Variants in MSH3 observed in about 807,000 individuals in gnomAD.
MSH3 encodes the protein mutS homolog 3.
A neutral mutation model predicts 123.3 loss-of-function variants in MSH3; 106 were observed. The ratio of observed to expected loss-of-function variants is 0.86; its 90% CI spans 0.73 to 1.01. MSH3 has a LOEUF of 1.01. Among genes scored for constraint, MSH3 ranks in the 50% least tolerant of loss-of-function variants. The pLI, the probability that MSH3 is intolerant of heterozygous loss-of-function variation, is 0.00. For missense variants in MSH3, 1,459 were observed against 1,347.6 expected (o/e 1.08, Z -1.29); for synonymous variants, 515 against 481.4 (o/e 1.07, Z -0.91).
intron 12 of MSH3, chr5:80,746,574 G>T: frequency 2.5e-6 from 1 of 404,620 alleles, no homozygotes; most frequent in South Asian, 1.9e-5. Context: ...CCTAAGGAGG[G>T]ATCTCCTCTG....
At position 80,744,655 on chromosome 5, in the gene MSH3, T is replaced by C. The variant is rs554110266; in HGVS notation, c.1763+40T>C. On this transcript the variant is annotated intron_variant, in intron 12 of 23. Transcript: ENST00000265081. ...TTTTGGGGTGTTTAATCTGAAATTA[T>C]AAAATTTTGAAATTAAAGGCATTTT... 295 of 1,481,752 alleles carry C rather than the reference T, an allele frequency of 2.0e-4. 2 individuals are homozygous for C. In the South Asian group the frequency reaches 2.7e-3, roughly 13 times the overall value. 91.8% of individuals were successfully genotyped at this position (1,481,752 alleles called of 1,614,324 possible).
chr5:80,750,593 G>A (rs1302279224), intron 12 of MSH3, among the ~76,000 whole-genome samples: 4 of 152,104 alleles, frequency 2.6e-5, no homozygotes, highest in African/African-American at 7.2e-5. Flanking sequence ...TTGTTATTGA[G>A]TAGTTTGAGT....
At chr5:80,791,649 G>A (rs1744608021) in intron 18 of MSH3, among the ~76,000 whole-genome samples, 1 of 152,048 alleles carries the variant, frequency 6.6e-6, no homozygotes, top group African/African-American at 2.4e-5. Context: ...AAAATTATTT[G>A]TGAAATGACT....
chr5:80,865,960 TC>T (rs1278795881), intron 22 of MSH3, among the ~76,000 whole-genome samples: 1 of 152,186 alleles, frequency 6.6e-6, no homozygotes, highest in East Asian at 1.9e-4. Flanking sequence ...TATCTATTAA[TC>T]TGCATCCAGG....
chr5:80,689,426 GTC>G (rs1224369669), intron 8 of MSH3, among the ~76,000 whole-genome samples: 2 of 151,906 alleles, frequency 1.3e-5, no homozygotes, highest in African/African-American at 4.8e-5. Flanking sequence ...AGTGAAAAAA[GTC>G]TATTTTAAAG....
intron 20 of MSH3, among the ~76,000 whole-genome samples, chr5:80,831,251 T>C (rs1017673917): frequency 3.3e-5 from 5 of 152,240 alleles, no homozygotes; most frequent in Non-Finnish European, 7.3e-5. Flanking sequence ...AATGTATCAT[T>C]TGTGATTTTT....
chr5:80,857,010 G>A (rs984654596), intron 21 of MSH3, among the ~76,000 whole-genome samples: 12 of 152,150 alleles, frequency 7.9e-5, no homozygotes, highest in South Asian at 2.1e-4. Context: ...GTTTCTCACC[G>A]TTAAGTATGA....
At chr5:80,861,340 C>T (rs1277269543) in intron 21 of MSH3, among the ~76,000 whole-genome samples, 2 of 152,098 alleles carry the variant, frequency 1.3e-5, no homozygotes, top group African/African-American at 2.4e-5. Context: ...CTCAGTCTTA[C>T]CTCCCTCCCA....
chr5:80,806,315 TCGAAC>T (rs1744890425), intron 19 of MSH3, among the ~76,000 whole-genome samples: 3 of 152,180 alleles, frequency 2.0e-5, no homozygotes, highest in African/African-American at 7.2e-5. Flanking sequence ...TAGGCTGCTC[TCGAAC>T]TCCTGACCTC....
chr5:80,792,377 C>T (rs1217639209), intron 18 of MSH3, among the ~76,000 whole-genome samples: 1 of 150,210 alleles, frequency 6.7e-6, no homozygotes, highest in Admixed American at 6.6e-5. Context: ...AGTCACTGCA[C>T]TGCAGCCTGG....
At chr5:80,833,777 A>G (rs1745460864) in intron 20 of MSH3, among the ~76,000 whole-genome samples, 1 of 148,782 alleles carries the variant, frequency 6.7e-6, no homozygotes, top group Non-Finnish European at 1.5e-5. Context: ...TCTTGCTTCT[A>G]AAACTGATTT....
At chr5:80,750,078 A>AGTGT (rs57762095) in intron 12 of MSH3, among the ~76,000 whole-genome samples, 22,210 of 134,064 alleles carry the variant, frequency 0.17, 2,061 homozygotes, top group South Asian at 0.27. Flanking sequence ...AGTATTCCAG[A>AGTGT]GTGTGTGTGT....
intron 4 of MSH3, 28 bp downstream of exon 4, chr5:80,670,337 A>G (rs755346267): frequency 3.1e-6 from 5 of 1,598,818 alleles, no homozygotes; most frequent in Admixed American, 3.3e-5. Context: ...GCACTATTTT[A>G]TATTTTTCTT....
At chr5:80,666,731 T>C (rs1303995201) in intron 3 of MSH3, among the ~76,000 whole-genome samples, 1 of 152,152 alleles carries the variant, frequency 6.6e-6, no homozygotes, top group East Asian at 1.9e-4. Context: ...TTATTACAGG[T>C]GATAAGCTGT....
intron 22 of MSH3, among the ~76,000 whole-genome samples, chr5:80,868,219 A>C (rs564107774): frequency 1.1e-4 from 17 of 152,236 alleles, no homozygotes; most frequent in African/African-American, 3.9e-4. Context: ...GTGATTCCTC[A>C]AAGACCTGAA....
At chr5:80,719,956 G>A (rs1380336201) in intron 8 of MSH3, among the ~76,000 whole-genome samples, 2 of 152,186 alleles carry the variant, frequency 1.3e-5, no homozygotes, top group Non-Finnish European at 2.9e-5. Context: ...GTACATGTGG[G>A]ATGGGGCCTG....
intron 10 of MSH3, among the ~76,000 whole-genome samples, chr5:80,730,317 C>T (rs984174045): frequency 3.3e-5 from 5 of 152,014 alleles, no homozygotes; most frequent in African/African-American, 7.3e-5. Context: ...CATGTGAAAT[C>T]GTACTCTGTA....
At chr5:80,836,028 A>G (rs1015572549) in intron 20 of MSH3, among the ~76,000 whole-genome samples, 7 of 152,186 alleles carry the variant, frequency 4.6e-5, no homozygotes, top group Non-Finnish European at 2.9e-5. Flanking sequence ...GTACTTTTTG[A>G]TATCTTATTA....
In MSH3 at chr5:80,654,698, C is replaced by T. The variant is rs1390897452; in HGVS notation, c.-30C>T. 4.4e-6 allele frequency: 7 copies of T among 1,575,938 alleles called. No homozygotes were observed. The highest frequency in any genetic ancestry group is 1.7e-4 in the Middle Eastern group (1 of 5,982). ...GCGGGCTCGCGCTCCTCGCCAGGCC[C>T]TGCCGCCGGGCTGCCATCCTTGCCC... On this transcript the variant is annotated 5_prime_UTR_variant, in exon 1 of 24. Transcript: ENST00000265081.
Sources: gnomAD v4.1 joint callset for allele counts (sites outside exome capture counted in the v4.1 genomes callset) on GRCh38, gnomAD v4.1.1 for gene constraint, MANE v1.5 for transcripts, NCBI Gene and HGNC (gene_info 2026-07-23, HGNC 2026-07-21) for gene names.